Variants in ANKRD28 observed in about 807,000 individuals in gnomAD.
ANKRD28 encodes the protein serine/threonine-protein phosphatase 6 regulatory ankyrin repeat subunit A.
A neutral mutation model predicts 126.5 loss-of-function variants in ANKRD28; 44 were observed. That is an observed-to-expected ratio of 0.35 (90% confidence interval 0.27 to 0.45). The LOEUF (loss-of-function observed/expected upper bound fraction) is 0.45, where lower values mean the gene tolerates loss of function less well. Among genes scored for constraint, ANKRD28 ranks in the 20% least tolerant of loss-of-function variants. ANKRD28 has a pLI of 1.00. For missense variants in ANKRD28, 1,110 were observed against 1,316.6 expected (o/e 0.84, Z 2.43); for synonymous variants, 442 against 468.5 (o/e 0.94, Z 0.73).
chr3:15,722,175 C>G (rs1335187465), intron 7 of ANKRD28, among the ~76,000 whole-genome samples: 2 of 152,104 alleles, frequency 1.3e-5, no homozygotes, highest in African/African-American at 4.8e-5. Context: ...TAAGATATTC[C>G]TGATAAAAGA....
intron 1 of ANKRD28, among the ~76,000 whole-genome samples, chr3:15,806,656 G>C (rs2125869646): frequency 6.6e-6 from 1 of 152,134 alleles, no homozygotes; most frequent in African/African-American, 2.4e-5. Context: ...CGAGTAGCTG[G>C]GATTACAGGC....
chr3:15,714,762 C>A (rs2072801370), intron 8 of ANKRD28, 106 bp from the exon 9 acceptor site: 1 of 770,404 alleles, frequency 1.3e-6, no homozygotes, highest in Non-Finnish European at 1.9e-6. Context: ...AACTATTTTA[C>A]ATGAATTAAG....
rs973722986 is a variant in ANKRD28, at chr3:15,677,041, C to T, written c.2806G>A (p.Ala936Thr). Residue 936 changes from alanine to threonine, a missense_variant, in exon 26 of 28, where the codon GCC (alanine) becomes ACC (threonine). Physicochemically the swap from Ala to Thr is moderately conservative, Grantham distance 58. Transcript: ENST00000683139. ...GTTATCTTTTCCAGTATTAACAAGG[C>T]ACTAGTTTCATGACCCTATAATTGT... ...LACSKGHETS[A>T]LLILEKITDR... 1.2e-6 allele frequency: 2 copies of T among 1,612,804 alleles called. No homozygotes were observed. Among genetic ancestry groups the T allele is most frequent in the South Asian group, 1.1e-5 (1 of 91,044 alleles).
intron 12 of ANKRD28, 122 bp downstream of exon 12, chr3:15,711,089 C>A: frequency 1.2e-6 from 1 of 801,928 alleles, no homozygotes; most frequent in Non-Finnish European, 1.9e-6. Context: ...TTTTCCCAAA[C>A]AACTCCTGTT....
chr3:15,763,893 A>G (rs1413788850), intron 3 of ANKRD28, among the ~76,000 whole-genome samples: 1 of 152,206 alleles, frequency 6.6e-6, no homozygotes, highest in African/African-American at 2.4e-5. Flanking sequence ...AAATAGCTAC[A>G]TGAGCTATAT....
At chr3:15,753,317 A>G (rs1006103518) in intron 3 of ANKRD28, among the ~76,000 whole-genome samples, 2 of 152,264 alleles carry the variant, frequency 1.3e-5, no homozygotes, top group Admixed American at 1.3e-4. Context: ...TAGAAGACGG[A>G]ATGTACAAAG....
rs2061161556 is a variant in ANKRD28, at chr3:15,830,310, G to T, written c.27+29067C>A. On this transcript the variant is annotated intron_variant, in intron 1 of 27. Transcript: ENST00000399451. The surrounding 1 kb of genome is among the most constrained non-coding windows in gnomAD (Gnocchi z 4.5). ...ACTATGAGAAGTCTCTTAGACCAGG[G>T]TCCCTAACCCCTGGACTGAGGACTG... Among the ~76,000 whole-genome samples the T allele has an allele frequency of 6.6e-6, 1 of 152,166 alleles. No homozygotes were observed. The highest frequency in any genetic ancestry group is 2.4e-5 in the African/African-American group (1 of 41,430).
At chr3:15,672,710 G>A (rs1018493141) in intron 27 of ANKRD28, among the ~76,000 whole-genome samples, 3 of 152,142 alleles carry the variant, frequency 2.0e-5, no homozygotes, top group African/African-American at 7.2e-5. Flanking sequence ...GCGGGAGTGG[G>A]GAAAGAAGCT....
intron 6 of ANKRD28, among the ~76,000 whole-genome samples, chr3:15,725,002 A>G (rs931853307): frequency 6.6e-6 from 1 of 152,180 alleles, no homozygotes; most frequent in Non-Finnish European, 1.5e-5. Context: ...AGACAAAAAA[A>G]TAGAATTCAG....
At chr3:15,724,022 G>C (rs2073979505) in intron 7 of ANKRD28, among the ~76,000 whole-genome samples, 1 of 152,194 alleles carries the variant, frequency 6.6e-6, no homozygotes, top group Non-Finnish European at 1.5e-5. Context: ...GTCATTTTAA[G>C]AGAGTATGAG....
chr3:15,844,418 G>A (rs2061487369), intron 1 of ANKRD28, among the ~76,000 whole-genome samples: 1 of 151,206 alleles, frequency 6.6e-6, no homozygotes. Flanking sequence ...AGAAGTGGGA[G>A]AACTGACAAT....
chr3:15,823,768 T>A (rs1325241545), intron 1 of ANKRD28, among the ~76,000 whole-genome samples: 4 of 152,214 alleles, frequency 2.6e-5, no homozygotes, highest in Non-Finnish European at 5.9e-5. Flanking sequence ...TTGTACACTT[T>A]AAAATATTTA....
At chr3:15,784,617 T>C (rs13083856) in intron 2 of ANKRD28, among the ~76,000 whole-genome samples, 2 of 51,834 alleles carry the variant, frequency 3.9e-5, no homozygotes, top group African/African-American at 6.0e-5. Flanking sequence ...TGGTAACAAA[T>C]ACAAAACAGT....
At chr3:15,789,786 T>C (rs2059943299) in intron 2 of ANKRD28, among the ~76,000 whole-genome samples, 1 of 151,994 alleles carries the variant, frequency 6.6e-6, no homozygotes, top group Non-Finnish European at 1.5e-5. Context: ...AATATGAATA[T>C]ATAATTTTTT....
intron 4 of ANKRD28, among the ~76,000 whole-genome samples, chr3:15,743,958 T>C (rs2057302268): frequency 6.6e-6 from 1 of 152,230 alleles, no homozygotes; most frequent in Non-Finnish European, 1.5e-5. Flanking sequence ...TCCAATCAGC[T>C]TGCACAGGAT....
At position 15,670,214 on chromosome 3, in the gene ANKRD28, TCCTGAAAAAG is replaced by T; in HGVS notation, c.*46_*55del. 4 of 1,561,868 alleles carry T rather than the reference TCCTGAAAAAG, an allele frequency of 2.6e-6. No homozygotes were observed. The highest frequency in any genetic ancestry group is 1.9e-5 in the Admixed American group (1 of 53,792). On this transcript the variant is annotated 3_prime_UTR_variant, in exon 28 of 28. Transcript: ENST00000683139. Reference sequence around the variant, plus strand: ...CTACGTGAATATCAAAGTGCCTTTTTCCTGAAAAAGCACAGTTTGAAGCTTTACTGTGAGA... The same window carrying T: ...CTACGTGAATATCAAAGTGCCTTTTTCACAGTTTGAAGCTTTACTGTGAGA...
intron 5 of ANKRD28, among the ~76,000 whole-genome samples, chr3:15,735,734 T>C (rs1272519810): frequency 1.3e-5 from 2 of 152,224 alleles, no homozygotes; most frequent in African/African-American, 4.8e-5. Flanking sequence ...GATGCCACTT[T>C]GTGCCTTGGT....
intron 6 of ANKRD28, among the ~76,000 whole-genome samples, chr3:15,731,199 G>A (rs2074568923): frequency 6.6e-6 from 1 of 152,214 alleles, no homozygotes; most frequent in Non-Finnish European, 1.5e-5. Context: ...CTTAGCGGGT[G>A]AGAAACAACA....
At chr3:15,852,492 T>C (rs76206705) in intron 1 of ANKRD28, among the ~76,000 whole-genome samples, 5,774 of 152,294 alleles carry the variant, frequency 0.038, 358 homozygotes, top group African/African-American at 0.13. Context: ...TACATATCTT[T>C]AAATTTATAA....
Sources: allele counts gnomAD v4.1 joint callset (sites outside exome capture counted in the v4.1 genomes callset), GRCh38; gene constraint gnomAD v4.1.1; non-coding constraint Gnocchi (gnomAD v3.1); transcripts MANE v1.5; gene names NCBI Gene and HGNC (gene_info 2026-07-23, HGNC 2026-07-21).